Variants in MEF2C observed in about 807,000 individuals in gnomAD.
MEF2C encodes myocyte-specific enhancer factor 2C.
A neutral mutation model predicts 50.5 loss-of-function variants in MEF2C; 6 were observed. The ratio of observed to expected loss-of-function variants is 0.12; its 90% CI spans 0.07 to 0.23. MEF2C has a LOEUF of 0.23. Ranked by LOEUF, MEF2C falls within the 10% of genes least tolerant of loss-of-function variation. The pLI is 1.00. For missense variants in MEF2C, 276 were observed against 605.0 expected, an observed-to-expected ratio of 0.46 and a Z score of 5.70; for synonymous variants, 183 against 228.0, an observed-to-expected ratio of 0.80 and a Z score of 1.78.
chr5:88,836,897 G>C (rs909459763), intron 1 of MEF2C, among the ~76,000 whole-genome samples: 2 of 150,530 alleles, frequency 1.3e-5, no homozygotes, highest in Non-Finnish European at 2.9e-5. Context: ...GTGGAGGCAA[G>C]CTCACGACTT....
intron 1 of MEF2C, 85 bp downstream of exon 1, chr5:88,882,866 TAGAC>T (rs1174456072): frequency 1.3e-5 from 2 of 151,910 alleles, no homozygotes; most frequent in African/African-American, 4.8e-5. Context: ...CAGGGATAGA[TAGAC>T]ACAGTGCCGT....
At chr5:88,743,916 A>T (rs1365221062) in intron 6 of MEF2C, 1 of 911,174 alleles carries the variant, frequency 1.1e-6, no homozygotes, top group Non-Finnish European at 1.3e-6. Flanking sequence ...GCCAATTAAA[A>T]TTATTAACCA....
At chr5:88,836,640 G>T (rs991780627) in intron 1 of MEF2C, among the ~76,000 whole-genome samples, 3 of 152,222 alleles carry the variant, frequency 2.0e-5, no homozygotes, top group Admixed American at 2.0e-4. Context: ...CTGGGCCAGA[G>T]TGAGCTGAGA....
chr5:88,743,268 C>T (rs771733575), intron 6 of MEF2C: 27 of 984,944 alleles, frequency 2.7e-5, no homozygotes, highest in Non-Finnish European at 3.3e-5. Context: ...ACAAAAAATG[C>T]AAACTTGTTA....
chr5:88,754,871 G>A (rs971165418), intron 4 of MEF2C, among the ~76,000 whole-genome samples: 4 of 152,126 alleles, frequency 2.6e-5, no homozygotes, highest in African/African-American at 7.2e-5. Context: ...TTAAGCTCTA[G>A]CTTTTGCCAA....
chr5:88,804,461 T>C, intron 3 of MEF2C, 137 bp downstream of exon 3: 1 of 716,530 alleles, frequency 1.4e-6, no homozygotes, highest in East Asian at 2.7e-5. Flanking sequence ...TTGCGATAGA[T>C]AATAATCCTG....
chr5:88,764,338 C>G (rs1312083997), intron 3 of MEF2C, among the ~76,000 whole-genome samples: 2 of 152,158 alleles, frequency 1.3e-5, no homozygotes, highest in Non-Finnish European at 2.9e-5. Context: ...GTCTCAAACC[C>G]ATATGGCCAA....
intron 6 of MEF2C, among the ~76,000 whole-genome samples, chr5:88,747,731 G>A (rs1421397893): frequency 6.6e-6 from 1 of 151,822 alleles, no homozygotes; most frequent in African/African-American, 2.4e-5. Flanking sequence ...TGAGATATTG[G>A]GTAAAACATC....
At chr5:88,867,373 T>A (rs1827741336) in intron 1 of MEF2C, among the ~76,000 whole-genome samples, 1 of 152,158 alleles carries the variant, frequency 6.6e-6, no homozygotes, top group Admixed American at 6.5e-5. Context: ...CTTGAGACTA[T>A]CTGGGGTTGA....
intron 1 of MEF2C, among the ~76,000 whole-genome samples, chr5:88,881,445 A>C (rs1462035366): frequency 1.3e-5 from 2 of 152,210 alleles, no homozygotes; most frequent in Non-Finnish European, 2.9e-5. Context: ...AGAAACAAAA[A>C]TACTGCTTAT....
In MEF2C at chr5:88,862,547, G is replaced by GA. The variant is rs532987537; in HGVS notation, c.-143+20407dup. ...AGTTTTATTCTTTTAGAACAAGAAG[G>GA]AAAAAAAAAACCCGAGAAATAACCT... is the stretch of plus-strand genomic sequence containing the variant. On this transcript the variant is annotated intron_variant, in intron 1 of 10. Transcript: ENST00000504921. 9.5e-3 allele frequency among the ~76,000 whole-genome samples: 1,393 copies of GA among 146,490 alleles called. 19 individuals carry two copies. Among genetic ancestry groups the GA allele is most frequent in the African/African-American group, 0.029 (1,145 of 40,006 alleles).
chr5:88,763,428 C>T (rs746269409), intron 3 of MEF2C, among the ~76,000 whole-genome samples: 6 of 152,070 alleles, frequency 3.9e-5, no homozygotes, highest in Admixed American at 1.3e-4. Context: ...TTATCTCAAC[C>T]ACAAAAACAT....
intron 1 of MEF2C, among the ~76,000 whole-genome samples, chr5:88,863,976 C>T (rs964596464): frequency 1.3e-5 from 2 of 151,950 alleles, no homozygotes; most frequent in African/African-American, 4.8e-5. Flanking sequence ...GATGTGCCAC[C>T]ACGCTTGGCT....
chr5:88,869,056 T>C (rs551697035), intron 1 of MEF2C, among the ~76,000 whole-genome samples: 4 of 151,820 alleles, frequency 2.6e-5, no homozygotes, highest in African/African-American at 9.6e-5. Flanking sequence ...TAGCAATTAA[T>C]CTATATGATG....
chr5:88,862,553 A>G (rs962772335), intron 1 of MEF2C, among the ~76,000 whole-genome samples: 5 of 152,298 alleles, frequency 3.3e-5, no homozygotes, highest in Admixed American at 2.6e-4. Flanking sequence ...GAAGGAAAAA[A>G]AAAACCCGAG....
chr5:88,849,150 CA>C (rs11295110), intron 1 of MEF2C, among the ~76,000 whole-genome samples: 6,687 of 92,234 alleles, frequency 0.073, 241 homozygotes, highest in African/African-American at 0.2. Context: ...GACTTTGTCT[CA>C]AAAAAAAAAA....
intron 3 of MEF2C, among the ~76,000 whole-genome samples, chr5:88,779,159 C>T (rs950641822): frequency 3.7e-4 from 56 of 152,300 alleles, no homozygotes; most frequent in African/African-American, 1.3e-3. Context: ...ATAATATTAA[C>T]CACATATTAA....
chr5:88,819,147 T>A (rs1177714572), intron 2 of MEF2C, among the ~76,000 whole-genome samples: 1 of 151,972 alleles, frequency 6.6e-6, no homozygotes, highest in Non-Finnish European at 1.5e-5. Flanking sequence ...ACGAAGTTTG[T>A]GTGTCTCTAA....
intron 6 of MEF2C, chr5:88,734,201 A>C (rs1249154842): frequency 1.0e-6 from 1 of 985,324 alleles, no homozygotes; most frequent in Non-Finnish European, 1.2e-6. Context: ...TAAGAACATC[A>C]AGGTCAATTC....
Sources: gnomAD v4.1 joint callset for allele counts (sites outside exome capture counted in the v4.1 genomes callset) on GRCh38, gnomAD v4.1.1 for gene constraint, MANE v1.5 for transcripts, NCBI Gene and HGNC (gene_info 2026-07-23, HGNC 2026-07-21) for gene names.